GNA12: variants seen among roughly 807,000 people sequenced by gnomAD.
The protein encoded by GNA12 is guanine nucleotide-binding protein subunit alpha-12.
Under a neutral mutation model 26.0 loss-of-function variants are expected in GNA12, and 9 were observed. The observed-to-expected ratio is 0.35, with a 90% CI of 0.21 to 0.60. The LOEUF (loss-of-function observed/expected upper bound fraction) is 0.60. Ranked by LOEUF, GNA12 falls within the 20% of genes least tolerant of loss-of-function variation. GNA12 has a pLI of 0.78. For synonymous variants in GNA12, 264 were observed against 219.6 expected (o/e 1.20, Z -1.79); for missense variants, 405 against 525.8 (o/e 0.77, Z 2.25).
At chr7:2,757,129 CTTTTTTTTTTT>C (rs71026549) in intron 2 of GNA12, among the ~76,000 whole-genome samples, 4 of 94,004 alleles carry the variant, frequency 4.3e-5, no homozygotes, top group African/African-American at 1.3e-4. Flanking sequence ...TCAGGTGGGC[CTTTTTTTTTTT>C]TTTTTTTTTT....
At chr7:2,836,402 G>C (rs1241225606) in intron 1 of GNA12, among the ~76,000 whole-genome samples, 1 of 152,212 alleles carries the variant, frequency 6.6e-6, no homozygotes, top group Non-Finnish European at 1.5e-5. Context: ...GAAGGCGGCA[G>C]GCTACCCAGC....
chr7:2,816,057 G>C (rs1793211087), intron 1 of GNA12, among the ~76,000 whole-genome samples: 1 of 152,206 alleles, frequency 6.6e-6, no homozygotes, highest in Admixed American at 6.5e-5. Context: ...CGCCGCGCAC[G>C]GAGGCGTGGA....
intron 1 of GNA12, among the ~76,000 whole-genome samples, chr7:2,816,873 G>A (rs1793230138): frequency 6.6e-6 from 1 of 152,162 alleles, no homozygotes; most frequent in Non-Finnish European, 1.5e-5. Flanking sequence ...TCAGGAATGT[G>A]CAATGCACTC....
rs185217348 is a variant in GNA12 at position 2,831,371 on chromosome 7, C to T, written c.309+12482G>A. On this transcript the variant is annotated intron_variant, in intron 1 of 3. Coordinates refer to ENST00000275364, the MANE Select transcript of GNA12 (RefSeq NM_007353.3). The stretch of plus-strand genomic sequence containing the variant: ...CTTAGGGAAAAACAGTTCCTCTCCC[C>T]ACCCTAAAACTAAAATTATGGAACT... Among the ~76,000 whole-genome samples the T allele has an allele frequency of 1.5e-3, 223 of 152,040 alleles. 1 individual carries two copies. Among genetic ancestry groups the T allele is most frequent in the Non-Finnish European group, 2.6e-3 (177 of 67,966 alleles).
chr7:2,842,895 G>C (rs1222662104), intron 1 of GNA12, among the ~76,000 whole-genome samples: 1 of 152,224 alleles, frequency 6.6e-6, no homozygotes, highest in Non-Finnish European at 1.5e-5. Context: ...CATGGGGAGG[G>C]CACAGGTGAA....
At chr7:2,835,017 T>C (rs540107971) in intron 1 of GNA12, among the ~76,000 whole-genome samples, 1 of 152,330 alleles carries the variant, frequency 6.6e-6, no homozygotes. Context: ...AAGACAAGTC[T>C]ACCTTGGGGT....
At chr7:2,751,782 TA>T (rs200651719) in intron 2 of GNA12, among the ~76,000 whole-genome samples, 1,604 of 152,342 alleles carry the variant, frequency 0.011, 30 homozygotes, top group African/African-American at 0.036. Context: ...CAAATTGCTT[TA>T]AAAAATTTAA....
chr7:2,761,652 A>C (rs998264900), intron 2 of GNA12, among the ~76,000 whole-genome samples: 1 of 152,126 alleles, frequency 6.6e-6, no homozygotes, highest in African/African-American at 2.4e-5. Flanking sequence ...ACCCAAAGAC[A>C]ATTTCACAGG....
chr7:2,730,016 A>G lies in GNA12; in HGVS notation c.*1165T>C, dbSNP rs1260166425. 6.6e-6 allele frequency: 1 copy of G among 152,328 alleles called. No homozygotes were observed. The highest frequency in any genetic ancestry group is 1.5e-5 in the Non-Finnish European group (1 of 68,050). The allele number at this position is 152,328 out of a possible 1,614,324, so 9.4% of individuals were successfully genotyped here. A position where few individuals can be genotyped will look rare whatever the true frequency, so the allele number is the denominator to read the frequency against. On this transcript the variant is annotated 3_prime_UTR_variant, in exon 4 of 4. Transcript: ENST00000275364. ...CATAGAAGCGAGGGGCCTCGATGAG[A>G]ATCAGACTTAGGGAGAGCGGCGAAC...
At chr7:2,810,775 G>A (rs564458494) in intron 1 of GNA12, among the ~76,000 whole-genome samples, 2 of 152,302 alleles carry the variant, frequency 1.3e-5, no homozygotes, top group South Asian at 4.1e-4. Flanking sequence ...GCAGGTGCCT[G>A]TGATCCCAGC....
At chr7:2,772,906 GAAGA>G (rs1562420660) in intron 2 of GNA12, among the ~76,000 whole-genome samples, 1 of 152,194 alleles carries the variant, frequency 6.6e-6, no homozygotes, top group East Asian at 1.9e-4. Context: ...GTGAACAGGA[GAAGA>G]AATAAATTAT....
intron 1 of GNA12, 144 bp from the exon 2 acceptor site, chr7:2,795,287 T>G: frequency 1.5e-6 from 1 of 662,754 alleles, no homozygotes; most frequent in Non-Finnish European, 2.6e-6. Context: ...TCTCTTGGTT[T>G]GTTTGTTGTG....
intron 2 of GNA12, among the ~76,000 whole-genome samples, chr7:2,738,088 G>A (rs995911782): frequency 8.6e-5 from 13 of 152,038 alleles, no homozygotes; most frequent in African/African-American, 3.1e-4. Context: ...TTTAATTTGG[G>A]TACCTATGAA....
chr7:2,739,238 C>G lies in GNA12; in HGVS notation c.526-5737G>C, dbSNP rs183025440. Among the ~76,000 whole-genome samples the G allele has an allele frequency of 2.0e-5, 3 of 152,338 alleles. No individual in the cohort carries two copies. The East Asian group carries it at 5.8e-4, about 29-fold the overall frequency. On this transcript the variant is annotated intron_variant, in intron 2 of 3. Transcript: ENST00000275364. ...ACCATTCAATGGCATTTACTACCTTCAAAATGTTGTACGGCCACCACTTCT... is the reference window on the plus strand; with the variant it reads ...ACCATTCAATGGCATTTACTACCTTGAAAATGTTGTACGGCCACCACTTCT...
intron 3 of GNA12, among the ~76,000 whole-genome samples, chr7:2,732,126 GAATT>G: frequency 1.3e-5 from 2 of 152,246 alleles, no homozygotes; most frequent in Admixed American, 1.3e-4. Flanking sequence ...ACCTTACTGT[GAATT>G]AATTTAGGTT....
At position 2,731,607 on chromosome 7, in the gene GNA12, C is replaced by T. The variant is rs1328252664; in HGVS notation, c.720G>A (p.Gln240=). The T allele has an allele frequency of 2.5e-6, 4 of 1,613,890 alleles. No homozygotes were observed. The highest frequency in any genetic ancestry group is 2.5e-6 in the Non-Finnish European group (3 of 1,179,974). The change falls in exon 4 of 4, where the codon CAG becomes CAA. Residue 240 remains glutamine (Q), a synonymous_variant. Transcript: ENST00000275364. This position sits in a 1 kb window ranked among gnomAD's most constrained non-coding sequence, Gnocchi z 6.0. The stretch of plus-strand genomic sequence containing the variant: ...GGATGGACGTGATCCCGTCGAAGCA[C>T]TGGAACCACTTCTGGCGCTGGGACC... ...GQRSQRQKWF[Q]CFDGITSILF...
At chr7:2,810,645 C>A (rs985514673) in intron 1 of GNA12, among the ~76,000 whole-genome samples, 6 of 152,098 alleles carry the variant, frequency 3.9e-5, no homozygotes, top group African/African-American at 1.4e-4. Context: ...TTCTGTAATC[C>A]CAGCACTTTG....
chr7:2,781,365 G>T (rs1792223177), intron 2 of GNA12, among the ~76,000 whole-genome samples: 2 of 150,482 alleles, frequency 1.3e-5, no homozygotes, highest in Non-Finnish European at 3.0e-5. Context: ...TTAAATACAT[G>T]GTTTTGCCTT....
intron 1 of GNA12, among the ~76,000 whole-genome samples, chr7:2,840,229 T>C (rs916650116): frequency 2.0e-5 from 3 of 152,220 alleles, no homozygotes; most frequent in Admixed American, 1.3e-4. Flanking sequence ...TACAACTGCA[T>C]AGGACTCCAG....
Sources: allele counts gnomAD v4.1 joint callset (sites outside exome capture counted in the v4.1 genomes callset), GRCh38; gene constraint gnomAD v4.1.1; non-coding constraint Gnocchi (gnomAD v3.1); transcripts MANE v1.5; gene names NCBI Gene and HGNC (gene_info 2026-07-23, HGNC 2026-07-21).